The following CTNS variants were observed in gnomAD, a reference collection of about 807,000 sequenced individuals.
CTNS encodes the protein cystinosin, lysosomal cystine transporter, also known as cystinosin.
Under a neutral mutation model 43.7 loss-of-function variants are expected in CTNS, and 27 were observed. The ratio of observed to expected loss-of-function variants is 0.62; its 90% CI spans 0.46 to 0.85. The LOEUF is 0.85. CTNS is among the 40% of genes least tolerant of loss of function. CTNS has a pLI of 0.00. For missense variants in CTNS, 457 were observed against 475.4 expected, an observed-to-expected ratio of 0.96 and a Z score of 0.36; for synonymous variants, 187 against 190.6, an observed-to-expected ratio of 0.98 and a Z score of 0.16.
chr17:3,660,082 C>A, intron 11 of CTNS, 107 bp downstream of exon 11: 1 of 1,437,768 alleles, frequency 7.0e-7, no homozygotes, highest in Non-Finnish European at 9.8e-7. Flanking sequence ...GGGATCCAAG[C>A]CAATCCAGCC....
chr17:3,654,245 G>C (rs1378456199), intron 5 of CTNS, among the ~76,000 whole-genome samples: 1 of 152,204 alleles, frequency 6.6e-6, no homozygotes, highest in Non-Finnish European at 1.5e-5. Context: ...TCGTTTTACA[G>C]ATGAGCAAAC....
chr17:3,652,219 G>A (rs977788085), intron 5 of CTNS, among the ~76,000 whole-genome samples: 2 of 152,150 alleles, frequency 1.3e-5, no homozygotes, highest in East Asian at 3.8e-4. Context: ...ATATAGCACC[G>A]TCTCCTTATT....
At chr17:3,638,216 TATCA>T (rs1455992638) in intron 2 of CTNS, among the ~76,000 whole-genome samples, 1 of 151,916 alleles carries the variant, frequency 6.6e-6, no homozygotes, top group Non-Finnish European at 1.5e-5. Context: ...TGTATGTAAT[TATCA>T]ATCTGGTTTT....
upstream of CTNS, chr17:3,636,514 G>T (rs1003602215): frequency 1.3e-5 from 5 of 381,980 alleles, no homozygotes; most frequent in African/African-American, 6.3e-5. Flanking sequence ...CACGAAAGGA[G>T]CCGGGAGGCG....
chr17:3,640,022 C>T (rs2075646318), intron 2 of CTNS, 166 bp from the exon 3 acceptor site: 1 of 623,904 alleles, frequency 1.6e-6, no homozygotes, highest in African/African-American at 1.8e-5. Flanking sequence ...AAAGATAAGT[C>T]CTCTCTAGGG....
At chr17:3,649,341 A>C (rs1171318224) in intron 5 of CTNS, among the ~76,000 whole-genome samples, 1 of 151,852 alleles carries the variant, frequency 6.6e-6, no homozygotes, top group African/African-American at 2.4e-5. Context: ...AATCCAAGCC[A>C]CTTGGGAGGC....
rs192029900 is a variant in CTNS at position 3,654,972 on chromosome 17, G to A, written c.226-26G>A. The A allele has an allele frequency of 1.2e-4, 192 of 1,544,464 alleles. 2 individuals carry two copies. Among genetic ancestry groups the A allele is most frequent in the African/African-American group, 8.2e-5 (6 of 73,600 alleles). Reference sequence around the variant, plus strand: ...GTCCTCGGTAACTGTACGTGGCATCGGATTGAACCTCAGTCTTCCTAACAG... The same window carrying A: ...GTCCTCGGTAACTGTACGTGGCATCAGATTGAACCTCAGTCTTCCTAACAG... On this transcript the variant is annotated intron_variant, in intron 5 of 11. Coordinates refer to ENST00000046640, the MANE Select transcript of CTNS (RefSeq NM_004937.3).
At chr17:3,648,521 C>T (rs1432657441) in intron 4 of CTNS, among the ~76,000 whole-genome samples, 1 of 152,244 alleles carries the variant, frequency 6.6e-6, no homozygotes, top group Non-Finnish European at 1.5e-5. Context: ...CAAGGCCCCA[C>T]TCAGACCCGA....
intron 3 of CTNS, among the ~76,000 whole-genome samples, chr17:3,642,420 G>A (rs1176252733): frequency 6.6e-6 from 1 of 152,188 alleles, no homozygotes; most frequent in Non-Finnish European, 1.5e-5. Context: ...AGGTGCTGTA[G>A]TTCACGCCTG....
intron 5 of CTNS, among the ~76,000 whole-genome samples, chr17:3,650,927 C>T (rs967717021): frequency 1.3e-5 from 2 of 152,066 alleles, no homozygotes; most frequent in Non-Finnish European, 2.9e-5. Flanking sequence ...CTCAGCCTCC[C>T]AAGTAGCTGG....
chr17:3,659,971 CA>C lies in CTNS; in HGVS notation c.968del (p.Asn323ThrfsTer6). 1 of 1,612,350 alleles carries C rather than the reference CA, an allele frequency of 6.2e-7. No homozygotes were observed. The highest frequency in any genetic ancestry group is 8.5e-7 in the Non-Finnish European group (1 of 1,178,908). Reference sequence around the variant, plus strand: ...TGCAGATGTTCCTCCAGTCCTACAACAACGGTGAGTCAGCCAGCGGGCTGCT... The same window carrying C: ...TGCAGATGTTCCTCCAGTCCTACAACACGGTGAGTCAGCCAGCGGGCTGCT... Reference protein sequence around the residue: ...LLQMFLQSYNNDQWTLIFGDP... With the variant: ...LLQMFLQSYNXDQWTLIFGDP... On this transcript the variant is annotated frameshift_variant, in exon 11 of 12. Coordinates refer to ENST00000046640, the MANE Select transcript of CTNS (RefSeq NM_004937.3). LOFTEE classifies it high-confidence loss of function.
chr17:3,652,684 C>A (rs1215745055), intron 5 of CTNS, among the ~76,000 whole-genome samples: 1 of 152,150 alleles, frequency 6.6e-6, no homozygotes, highest in Non-Finnish European at 1.5e-5. Flanking sequence ...TTGTATCGGT[C>A]AATCGACTGA....
At position 3,662,222 on chromosome 17, in the gene CTNS, A is replaced by AGG. The variant is rs2076287655; in HGVS notation, c.*1853_*1854insGG. Among the ~76,000 whole-genome samples the AGG allele has an allele frequency of 6.6e-6, 1 of 152,046 alleles. No homozygotes were observed. Among genetic ancestry groups the AGG allele is most frequent in the African/African-American group, 2.4e-5 (1 of 41,380 alleles). Reference sequence around the variant, plus strand: ...GCTACTTGGTTGGCTGAGGCAGGAGAATTACTTGAACCCAGGAGGCGGAGG... The same window carrying AGG: ...GCTACTTGGTTGGCTGAGGCAGGAGAGGATTACTTGAACCCAGGAGGCGGAGG... On this transcript the variant is annotated 3_prime_UTR_variant, in exon 12 of 12. Coordinates refer to ENST00000046640, the MANE Select transcript of CTNS (RefSeq NM_004937.3).
chr17:3,656,944 A>G, intron 9 of CTNS, 149 bp downstream of exon 9: 2 of 1,300,704 alleles, frequency 1.5e-6, no homozygotes, highest in East Asian at 5.1e-5. Flanking sequence ...GACACCCATG[A>G]GTCCAGGCCC....
intron 3 of CTNS, among the ~76,000 whole-genome samples, chr17:3,645,245 C>T (rs2075817326): frequency 6.6e-6 from 1 of 152,356 alleles, no homozygotes; most frequent in African/African-American, 2.4e-5. Context: ...AAGGGACTGC[C>T]TTTTGCCGCT....
At position 3,648,925 on chromosome 17, in the gene CTNS, C is replaced by G; in HGVS notation, c.219C>G (p.Pro73=). ...RSKNITILEL[P]DEVVVPPGVT... ...AAAATATTACTATCCTTGAGCTCCC[C>G]GATGAAGTAAGTAACCAATCTTAAC... Residue 73 remains proline, a synonymous_variant, in exon 5 of 12, where the codon CCC becomes CCG. Transcript: ENST00000046640. The G allele has an allele frequency of 6.2e-7, 1 of 1,609,898 alleles. No homozygotes were observed. The highest frequency in any genetic ancestry group is 8.5e-7 in the Non-Finnish European group (1 of 1,176,192).
In CTNS at chr17:3,660,384, G is replaced by C; in HGVS notation, c.*15G>C. The C allele has an allele frequency of 6.2e-7, 1 of 1,614,176 alleles. No homozygotes were observed. The highest frequency in any genetic ancestry group is 8.5e-7 in the Non-Finnish European group (1 of 1,180,046). On this transcript the variant is annotated 3_prime_UTR_variant, in exon 12 of 12. Transcript: ENST00000046640. ...AGCTGAACTAGCACCCAGGGACCCA[G>C]TGTACCCAGCCTCTGGCCTCGTGCC...
intron 3 of CTNS, among the ~76,000 whole-genome samples, chr17:3,646,629 GTCTT>G (rs2075849567): frequency 1.3e-5 from 2 of 151,980 alleles, no homozygotes; most frequent in South Asian, 4.1e-4. Flanking sequence ...TAGAAACAGA[GTCTT>G]TCTGTGTTGC....
chr17:3,649,916 C>T (rs986796019), intron 5 of CTNS, among the ~76,000 whole-genome samples: 3 of 152,290 alleles, frequency 2.0e-5, no homozygotes, highest in South Asian at 2.1e-4. Context: ...ATATAGTTAA[C>T]AATCATGTAT....
Sources: allele counts gnomAD v4.1 joint callset (sites outside exome capture counted in the v4.1 genomes callset), GRCh38; gene constraint gnomAD v4.1.1; transcripts MANE v1.5; gene names NCBI Gene and HGNC (gene_info 2026-07-23, HGNC 2026-07-21).